HIVEP2: variants seen among roughly 807,000 people sequenced by gnomAD.
HIVEP2 encodes the protein transcription factor HIVEP2.
Under a neutral mutation model 180.7 loss-of-function variants are expected in HIVEP2, and 14 were observed. That is an observed-to-expected ratio of 0.08 (90% confidence interval 0.05 to 0.12). HIVEP2 has a LOEUF of 0.12. Ranked by LOEUF, HIVEP2 falls within the 10% of genes least tolerant of loss-of-function variation. The pLI, the probability that HIVEP2 is intolerant of heterozygous loss-of-function variation, is 1.00. For synonymous variants in HIVEP2, 1,184 were observed against 1,136.4 expected (o/e 1.04, Z -0.84); for missense variants, 2,579 against 3,008.5 (o/e 0.86, Z 3.34).
At chr6:142,868,814 G>C (rs1776211641) in intron 1 of HIVEP2, among the ~76,000 whole-genome samples, 1 of 152,118 alleles carries the variant, frequency 6.6e-6, no homozygotes, top group Admixed American at 6.6e-5. Flanking sequence ...GTAAATAAGG[G>C]TTAATCAGAA....
chr6:142,793,536 T>C (rs1044749926), intron 2 of HIVEP2, among the ~76,000 whole-genome samples: 4 of 152,288 alleles, frequency 2.6e-5, no homozygotes, highest in Admixed American at 6.5e-5. Flanking sequence ...TTCTAGTATA[T>C]TTAGCAATTA....
chr6:142,863,656 T>C (rs1395592840), intron 1 of HIVEP2, among the ~76,000 whole-genome samples: 1 of 152,196 alleles, frequency 6.6e-6, no homozygotes, highest in African/African-American at 2.4e-5. Context: ...GTAAATGTCA[T>C]GCCAGGTTTA....
chr6:142,758,862 C>A (rs569875645), intron 9 of HIVEP2, among the ~76,000 whole-genome samples: 37 of 152,264 alleles, frequency 2.4e-4, no homozygotes, highest in African/African-American at 8.4e-4. Context: ...TGAGCAAGTG[C>A]ACTTGATAGT....
chr6:142,773,114 C>T lies in HIVEP2; in HGVS notation c.1625G>A (p.Arg542Lys). Residue 542 changes from arginine to lysine, a missense_variant, in exon 5 of 10, where the codon AGA becomes AAA. Transcript: ENST00000367603. ...EAPVDSSPLI[R>K]SNSVPTSSAT... ...TGAAGAAGTTGGCACTGAGTTGCTT[C>T]TAATAAGGGGTGAAGAGTCTACAGG... 6.2e-7 allele frequency: 1 copy of T among 1,614,214 alleles called. No homozygotes were observed. The highest frequency in any genetic ancestry group is 1.3e-5 in the African/African-American group (1 of 75,056).
At chr6:142,870,124 A>C (rs1582928421) in intron 1 of HIVEP2, among the ~76,000 whole-genome samples, 1 of 151,914 alleles carries the variant, frequency 6.6e-6, no homozygotes, top group South Asian at 2.1e-4. Flanking sequence ...ACCAAGACCC[A>C]CCTGGGTCTG....
intron 2 of HIVEP2, among the ~76,000 whole-genome samples, chr6:142,799,499 C>A (rs1392391129): frequency 2.0e-5 from 3 of 152,118 alleles, no homozygotes; most frequent in Admixed American, 1.3e-4. Flanking sequence ...GGCATTATCT[C>A]TTCTTGGAAG....
Position 142,861,989 on chromosome 6 carries a change from A to G in HIVEP2, c.-640-24942T>C, listed in dbSNP as rs140310400. Among the ~76,000 whole-genome samples, 223 of 152,288 alleles carry G rather than the reference A, an allele frequency of 1.5e-3. 2 individuals are homozygous for G. The highest frequency in any genetic ancestry group is 5.2e-3 in the African/African-American group (217 of 41,552). On this transcript the variant is annotated intron_variant, in intron 1 of 9. Coordinates refer to ENST00000367603, the MANE Select transcript of HIVEP2 (RefSeq NM_006734.4). ...ATAATTAAAACCAACAACAATGACA[A>G]AGTGGCACTTGAAGTTTTATACCGT...
At chr6:142,809,741 C>T (rs978039006) in intron 2 of HIVEP2, among the ~76,000 whole-genome samples, 3 of 151,858 alleles carry the variant, frequency 2.0e-5, no homozygotes, top group Non-Finnish European at 4.4e-5. Context: ...TTACAGGTGC[C>T]CACCACCATG....
At chr6:142,880,895 G>C (rs1328782385) in intron 1 of HIVEP2, among the ~76,000 whole-genome samples, 1 of 152,144 alleles carries the variant, frequency 6.6e-6, no homozygotes, top group African/African-American at 2.4e-5. Context: ...TCTGGTCTCA[G>C]TTACTGGCAT....
intron 1 of HIVEP2, among the ~76,000 whole-genome samples, chr6:142,902,646 T>C (rs1312957541): frequency 1.3e-5 from 2 of 152,230 alleles, no homozygotes; most frequent in Non-Finnish European, 2.9e-5. Flanking sequence ...CTTCAGTTTT[T>C]TCTTTGCTAA....
chr6:142,793,697 C>G (rs1176190220), intron 2 of HIVEP2, among the ~76,000 whole-genome samples: 5 of 109,912 alleles, frequency 4.5e-5, no homozygotes, highest in African/African-American at 1.3e-4. Context: ...CTCTCTCTCT[C>G]TGTCTGTCTT....
At chr6:142,818,349 T>C (rs1162814795) in intron 2 of HIVEP2, among the ~76,000 whole-genome samples, 1 of 152,198 alleles carries the variant, frequency 6.6e-6, no homozygotes, top group Non-Finnish European at 1.5e-5. Context: ...ATTAACAGTT[T>C]ATGGTTGTAG....
At chr6:142,922,742 T>C (rs1205721905) in intron 1 of HIVEP2, among the ~76,000 whole-genome samples, 2 of 152,140 alleles carry the variant, frequency 1.3e-5, no homozygotes, top group Non-Finnish European at 2.9e-5. Flanking sequence ...TCTTTTCCAG[T>C]CGTAAGTCTG....
chr6:142,799,036 T>C (rs1241178179), intron 2 of HIVEP2, among the ~76,000 whole-genome samples: 1 of 152,180 alleles, frequency 6.6e-6, no homozygotes, highest in Non-Finnish European at 1.5e-5. Context: ...GGGTAACAAG[T>C]GACCATAAGT....
intron 4 of HIVEP2, 99 bp from the exon 5 acceptor site, chr6:142,775,224 T>C (rs1775668173): frequency 4.3e-6 from 1 of 233,500 alleles, no homozygotes; most frequent in Non-Finnish European, 7.0e-6. Context: ...TTAGATAAAT[T>C]TGAAATGTTT....
At chr6:142,930,862 A>G (rs946258058) in intron 1 of HIVEP2, among the ~76,000 whole-genome samples, 15 of 152,296 alleles carry the variant, frequency 9.8e-5, no homozygotes, top group Middle Eastern at 3.4e-3. Context: ...GTATTTTCCT[A>G]TTCTCTCCTA....
intron 1 of HIVEP2, among the ~76,000 whole-genome samples, chr6:142,863,814 C>G (rs746367188): frequency 1.3e-5 from 2 of 152,188 alleles, no homozygotes; most frequent in Non-Finnish European, 2.9e-5. Flanking sequence ...AGACACACTT[C>G]TTTCTGTGGG....
chr6:142,788,570 GGGTGT>G (rs1776063570), intron 2 of HIVEP2: 1 of 152,046 alleles, frequency 6.6e-6, no homozygotes, highest in Non-Finnish European at 1.5e-5. Flanking sequence ...AAAATTAGCC[GGGTGT>G]GGTGGCTGGA....
chr6:142,937,607 A>G (rs936072090), intron 1 of HIVEP2, among the ~76,000 whole-genome samples: 5 of 152,206 alleles, frequency 3.3e-5, no homozygotes, highest in Admixed American at 6.5e-5. Flanking sequence ...TACTAAGGGG[A>G]AACATTGTGC....
Sources: gnomAD v4.1 joint callset for allele counts (sites outside exome capture counted in the v4.1 genomes callset) on GRCh38, gnomAD v4.1.1 for gene constraint, MANE v1.5 for transcripts, NCBI Gene and HGNC (gene_info 2026-07-23, HGNC 2026-07-21) for gene names.